Variants in CEP43 observed in about 807,000 individuals in gnomAD.
CEP43 encodes FGFR1 oncogene partner.
A neutral mutation model predicts 52.6 loss-of-function variants in CEP43; 36 were observed. The ratio of observed to expected loss-of-function variants is 0.68; its 90% CI spans 0.52 to 0.90. CEP43 has a LOEUF of 0.90. Ranked by LOEUF, CEP43 falls within the 40% of genes least tolerant of loss-of-function variation. The pLI, the probability that CEP43 is intolerant of heterozygous loss-of-function variation, is 0.00. For synonymous variants in CEP43, 192 were observed against 172.4 expected (o/e 1.11, Z -0.89); for missense variants, 506 against 472.8 (o/e 1.07, Z -0.65).
rs776157779 is a variant in CEP43 at position 167,024,890 on chromosome 6, T to C, written c.915T>C (p.Ser305=). ...CGGGAGCCCCTTCTTTAAAAGACTC[T>C]GAGAGTAAGTGCCCAAAGATGTGGA... is the stretch of plus-strand genomic sequence containing the variant. ...SLAGAPSLKD[S]ESKRGNTVLK... is the part of the protein sequence containing the mutation. The change falls in exon 9 of 13, where the codon TCT becomes TCC. Residue 305 remains serine, a synonymous_variant. Coordinates refer to ENST00000366847, the MANE Select transcript of CEP43 (RefSeq NM_007045.4). The C allele has an allele frequency of 1.8e-5, 28 of 1,552,524 alleles. No individual in the cohort carries two copies. The highest frequency in any genetic ancestry group is 2.5e-5 in the Non-Finnish European group (28 of 1,126,612).
At chr6:166,999,659 C>T (rs780781101) in intron 1 of CEP43, 145 bp downstream of exon 1, 3 of 512,896 alleles carry the variant, frequency 5.8e-6, no homozygotes, top group Middle Eastern at 1.0e-3. Context: ...GGCATGGCCT[C>T]CGTCCTGCCC....
chr6:167,039,239 C>T (rs1007770385), intron 12 of CEP43, among the ~76,000 whole-genome samples: 3 of 152,094 alleles, frequency 2.0e-5, no homozygotes, highest in Non-Finnish European at 4.4e-5. Context: ...AAGCGATTCT[C>T]CCGCCTCAGC....
At chr6:167,033,585 A>G (rs1780520784) in intron 11 of CEP43, among the ~76,000 whole-genome samples, 1 of 152,100 alleles carries the variant, frequency 6.6e-6, no homozygotes, top group Non-Finnish European at 1.5e-5. Context: ...GAGAAAGAGC[A>G]TGATGTAGTA....
chr6:167,039,336 C>G (rs990708137), intron 12 of CEP43, among the ~76,000 whole-genome samples: 1 of 152,178 alleles, frequency 6.6e-6, no homozygotes, highest in African/African-American at 2.4e-5. Flanking sequence ...ACCATGTTGG[C>G]CAGGCTGGTC....
chr6:167,031,426 T>C (rs1780468516), intron 10 of CEP43, among the ~76,000 whole-genome samples: 1 of 152,226 alleles, frequency 6.6e-6, no homozygotes, highest in African/African-American at 2.4e-5. Flanking sequence ...CTCCCTGAGA[T>C]CAGAGATACC....
intron 2 of CEP43, among the ~76,000 whole-genome samples, chr6:167,000,552 A>G (rs910296499): frequency 4.0e-4 from 61 of 152,168 alleles, no homozygotes; most frequent in African/African-American, 1.4e-3. Context: ...TGCAGCCACT[A>G]CTCTATATTT....
At chr6:167,001,617 A>G (rs769385459) in intron 2 of CEP43, among the ~76,000 whole-genome samples, 1 of 152,160 alleles carries the variant, frequency 6.6e-6, no homozygotes, top group Non-Finnish European at 1.5e-5. Context: ...TAAACTGCCC[A>G]CTGTATTATG....
chr6:167,015,499 G>C (rs1780074697), intron 7 of CEP43, among the ~76,000 whole-genome samples: 1 of 152,232 alleles, frequency 6.6e-6, no homozygotes, highest in Non-Finnish European at 1.5e-5. Flanking sequence ...CAAGACTCCA[G>C]ATGGAGCCAT....
At chr6:167,029,294 T>C (rs991394383) in intron 10 of CEP43, among the ~76,000 whole-genome samples, 1 of 152,256 alleles carries the variant, frequency 6.6e-6, no homozygotes, top group East Asian at 1.9e-4. Flanking sequence ...ACAAGAATCC[T>C]TGGCCTGAGG....
At chr6:167,036,041 T>C in intron 12 of CEP43, 1 of 983,796 alleles carries the variant, frequency 1.0e-6, no homozygotes, top group Non-Finnish European at 1.2e-6. Context: ...ATTTCTGTCG[T>C]AGGCACAGAT....
chr6:167,008,042 C>T (rs529082749), intron 5 of CEP43, among the ~76,000 whole-genome samples: 1 of 151,888 alleles, frequency 6.6e-6, no homozygotes. Flanking sequence ...ACTGCACTGC[C>T]GACTCAGGAG....
Position 167,025,985 on chromosome 6 carries a change from C to T in CEP43, c.920-562C>T, listed in dbSNP as rs530773991. On this transcript the variant is annotated intron_variant, in intron 9 of 12. Coordinates refer to ENST00000366847, the MANE Select transcript of CEP43 (RefSeq NM_007045.4). ...GTCTATGAATTCATACCTAACAGGGCTGTTTATGGAAAGTGATGTCTTATA... is the reference window on the plus strand; with the variant it reads ...GTCTATGAATTCATACCTAACAGGGTTGTTTATGGAAAGTGATGTCTTATA... 3.9e-5 allele frequency among the ~76,000 whole-genome samples: 6 copies of T among 152,286 alleles called. No homozygotes were observed. The South Asian group carries it at 1.2e-3, about 32-fold the overall frequency.
chr6:167,038,364 G>A (rs925572007), intron 12 of CEP43, among the ~76,000 whole-genome samples: 1 of 152,166 alleles, frequency 6.6e-6, no homozygotes, highest in East Asian at 1.9e-4. Context: ...ACACCATGTC[G>A]AGTTTGATGT....
chr6:167,033,099 C>CTTTTTT (rs71032896), intron 11 of CEP43, among the ~76,000 whole-genome samples: 3 of 68,346 alleles, frequency 4.4e-5, no homozygotes, highest in African/African-American at 1.1e-4. Context: ...TTGCCATTCT[C>CTTTTTT]TTTTTTTTTT....
Position 167,041,077 on chromosome 6 carries a change from G to GTT in CEP43, c.*1103_*1104dup, listed in dbSNP as rs1200932257. 3.7e-5 allele frequency: 38 copies of GTT among 1,036,922 alleles called. 1 individual carries two copies. The highest frequency in any genetic ancestry group is 3.5e-6 in the Non-Finnish European group (3 of 861,452). The allele number at this position is 1,036,922 out of a possible 1,614,324, so 64.2% of individuals were successfully genotyped here. A position where few individuals can be genotyped will look rare whatever the true frequency, so the allele number is the denominator to read the frequency against. On this transcript the variant is annotated 3_prime_UTR_variant, in exon 13 of 13. Transcript: ENST00000366847. ...TATATAAGTAAAGCAGGATTGTGCT[G>GTT]TTTTTGCACTTTATAATTTCAATTA...
chr6:167,017,998 A>T (rs2128662418), intron 7 of CEP43, among the ~76,000 whole-genome samples: 1 of 152,324 alleles, frequency 6.6e-6, no homozygotes, highest in East Asian at 1.9e-4. Context: ...ACAGTTCTAG[A>T]GGCTTAAAAA....
intron 5 of CEP43, among the ~76,000 whole-genome samples, chr6:167,007,823 C>T (rs901741652): frequency 3.3e-5 from 5 of 152,158 alleles, no homozygotes; most frequent in Non-Finnish European, 5.9e-5. Context: ...GCTCCCAAGC[C>T]GTAGATAATT....
chr6:167,036,040 G>A (rs919728830), intron 12 of CEP43: 68 of 983,252 alleles, frequency 6.9e-5, no homozygotes, highest in African/African-American at 1.9e-4. Flanking sequence ...CATTTCTGTC[G>A]TAGGCACAGA....
chr6:167,038,925 A>G (rs1014309951), intron 12 of CEP43, among the ~76,000 whole-genome samples: 16 of 152,190 alleles, frequency 1.1e-4, no homozygotes, highest in African/African-American at 3.6e-4. Flanking sequence ...ACCGGGCCCA[A>G]TTTGAGCCTT....
Sources: gnomAD v4.1 joint callset for allele counts (sites outside exome capture counted in the v4.1 genomes callset) on GRCh38, gnomAD v4.1.1 for gene constraint, MANE v1.5 for transcripts, NCBI Gene and HGNC (gene_info 2026-07-23, HGNC 2026-07-21) for gene names.